CCDC7: variants seen among roughly 807,000 people sequenced by gnomAD.
CCDC7 encodes the protein coiled-coil domain containing 7.
In CCDC7, 183 loss-of-function variants were observed where a neutral mutation model predicts 196.9. That is an observed-to-expected ratio of 0.93 (90% CI 0.82 to 1.05). The LOEUF is 1.05. CCDC7 is among the 50% of genes least tolerant of loss of function. CCDC7 has a pLI of 0.00. For synonymous variants in CCDC7, 525 were observed against 484.6 expected, an observed-to-expected ratio of 1.08 and a Z score of -1.10; for missense variants, 1,540 against 1,482.2, an observed-to-expected ratio of 1.04 and a Z score of -0.64.
chr10:32,739,952 A>C (rs2085542775), intron 28 of CCDC7, among the ~76,000 whole-genome samples: 1 of 151,914 alleles, frequency 6.6e-6, no homozygotes, highest in Non-Finnish European at 1.5e-5. Flanking sequence ...ATTATGCAGG[A>C]GCCTGATTAA....
At chr10:32,827,876 A>G (rs2091385664) in intron 32 of CCDC7, among the ~76,000 whole-genome samples, 1 of 152,172 alleles carries the variant, frequency 6.6e-6, no homozygotes, top group African/African-American at 2.4e-5. Context: ...TCTATAGAGA[A>G]TCTCCATTAA....
chr10:32,734,218 G>A (rs940140793), intron 28 of CCDC7, among the ~76,000 whole-genome samples: 1 of 152,174 alleles, frequency 6.6e-6, no homozygotes, highest in African/African-American at 2.4e-5. Flanking sequence ...TAAAGAAAAT[G>A]TGGTACATAT....
At position 32,689,182 on chromosome 10, in the gene CCDC7, G is replaced by C; in HGVS notation, c.2344+19G>C. 1 of 1,420,334 alleles carries C rather than the reference G, an allele frequency of 7.0e-7. No homozygotes were observed. The highest frequency in any genetic ancestry group is 9.7e-7 in the Non-Finnish European group (1 of 1,030,626). 88.0% of individuals were successfully genotyped at this position (1,420,334 alleles called of 1,614,324 possible). A position where few individuals can be genotyped will look rare whatever the true frequency, so the allele number is the denominator to read the frequency against. On this transcript the variant is annotated intron_variant, in intron 23 of 41. Coordinates refer to ENST00000639629, the Ensembl canonical transcript of CCDC7. Reference sequence around the variant, plus strand: ...ATTATTAGTAAGTATAAAAAGTAAAGATAACTTTAAATTATTTAAAAGTAA... The same window carrying C: ...ATTATTAGTAAGTATAAAAAGTAAACATAACTTTAAATTATTTAAAAGTAA...
At chr10:32,872,042 A>AGGTGT (rs979791448) in intron 41 of CCDC7, among the ~76,000 whole-genome samples, 1 of 152,074 alleles carries the variant, frequency 6.6e-6, no homozygotes, top group Non-Finnish European at 1.5e-5. Flanking sequence ...ATTTTGGAAT[A>AGGTGT]GGTGTGGTGT....
At chr10:32,833,685 A>T (rs1222692700) in intron 32 of CCDC7, among the ~76,000 whole-genome samples, 1 of 152,114 alleles carries the variant, frequency 6.6e-6, no homozygotes, top group Non-Finnish European at 1.5e-5. Context: ...ATTTTCACGA[A>T]ATATTTTAAT....
intron 5 of CCDC7, among the ~76,000 whole-genome samples, chr10:32,467,390 G>A (rs2037050769): frequency 6.6e-6 from 1 of 152,058 alleles, no homozygotes; most frequent in Non-Finnish European, 1.5e-5. Context: ...AGGATTACAG[G>A]CGTGAGCCAC....
chr10:32,482,734 T>G (rs1481664186), intron 8 of CCDC7, among the ~76,000 whole-genome samples: 1 of 151,854 alleles, frequency 6.6e-6, no homozygotes, highest in Non-Finnish European at 1.5e-5. Context: ...CACCTATGAG[T>G]GAGGACATGC....
intron 28 of CCDC7, among the ~76,000 whole-genome samples, chr10:32,744,102 C>T (rs1431066350): frequency 6.7e-6 from 1 of 148,562 alleles, no homozygotes; most frequent in African/African-American, 2.5e-5. Context: ...CAAACCTGCA[C>T]ATTGTGCACA....
chr10:32,781,750 AG>A (rs1270442848), intron 29 of CCDC7, among the ~76,000 whole-genome samples: 2 of 152,240 alleles, frequency 1.3e-5, no homozygotes, highest in Non-Finnish European at 2.9e-5. Context: ...GAGCAATACA[AG>A]GACACCTGTT....
At chr10:32,453,080 C>G (rs978862728) in intron 1 of CCDC7, among the ~76,000 whole-genome samples, 6 of 152,032 alleles carry the variant, frequency 3.9e-5, no homozygotes, top group Admixed American at 3.9e-4. Flanking sequence ...AGGCCCTCTC[C>G]GTTTTAAGAT....
chr10:32,592,739 C>T (rs1239187990), intron 18 of CCDC7, among the ~76,000 whole-genome samples: 1 of 152,088 alleles, frequency 6.6e-6, no homozygotes, highest in African/African-American at 2.4e-5. Context: ...GTGATGCTCC[C>T]CACCCTGTGT....
intron 32 of CCDC7, among the ~76,000 whole-genome samples, chr10:32,824,819 A>G (rs187076238): frequency 5.9e-5 from 9 of 152,356 alleles, no homozygotes; most frequent in East Asian, 3.9e-4. Flanking sequence ...TAAAAGTCTA[A>G]TGCTATAGTG....
At chr10:32,707,346 A>G (rs914642401) in intron 24 of CCDC7, among the ~76,000 whole-genome samples, 1 of 152,208 alleles carries the variant, frequency 6.6e-6, no homozygotes, top group African/African-American at 2.4e-5. Flanking sequence ...TCTCTATGAC[A>G]AACCCACAGC....
At chr10:32,783,693 C>T (rs73255972) in intron 29 of CCDC7, among the ~76,000 whole-genome samples, 8,080 of 152,184 alleles carry the variant, frequency 0.053, 715 homozygotes, top group African/African-American at 0.18. Flanking sequence ...TACTTGTGCA[C>T]CAGCATTTAT....
chr10:32,806,102 G>C (rs1433619346), intron 30 of CCDC7, among the ~76,000 whole-genome samples: 1 of 152,116 alleles, frequency 6.6e-6, no homozygotes, highest in African/African-American at 2.4e-5. Flanking sequence ...ACACAAACAC[G>C]TCCCACCTCC....
intron 31 of CCDC7, among the ~76,000 whole-genome samples, chr10:32,817,208 G>A (rs193172867): frequency 4.6e-5 from 7 of 152,166 alleles, no homozygotes; most frequent in African/African-American, 1.2e-4. Flanking sequence ...CTGAGTAGCC[G>A]ATTTGATCAA....
At chr10:32,819,279 T>A (rs1287898563) in intron 31 of CCDC7, among the ~76,000 whole-genome samples, 1 of 152,114 alleles carries the variant, frequency 6.6e-6, no homozygotes. Context: ...AAGTTAAATC[T>A]CTGAATAGAC....
At chr10:32,509,433 G>A (rs2045744711) in intron 9 of CCDC7, among the ~76,000 whole-genome samples, 1 of 150,020 alleles carries the variant, frequency 6.7e-6, no homozygotes, top group Admixed American at 6.7e-5. Context: ...TGTATGAGCT[G>A]AAACCGTAAA....
At chr10:32,715,426 A>G (rs2081422919) in intron 25 of CCDC7, among the ~76,000 whole-genome samples, 1 of 152,194 alleles carries the variant, frequency 6.6e-6, no homozygotes. Flanking sequence ...AGGTAGATAA[A>G]TCCATGAAGA....
Sources: allele counts gnomAD v4.1 joint callset (sites outside exome capture counted in the v4.1 genomes callset), GRCh38; gene constraint gnomAD v4.1.1; transcripts MANE v1.5; gene names NCBI Gene and HGNC (gene_info 2026-07-23, HGNC 2026-07-21).